The following UBASH3B variants were observed in gnomAD, a reference collection of about 807,000 sequenced individuals.
The protein encoded by UBASH3B is ubiquitin-associated and SH3 domain-containing protein B.
In UBASH3B, 37 loss-of-function variants were observed where a neutral mutation model predicts 83.4. The ratio of observed to expected loss-of-function variants is 0.44; its 90% confidence interval spans 0.34 to 0.58. The LOEUF is 0.58. Ranked by LOEUF, UBASH3B falls within the 20% of genes least tolerant of loss-of-function variation. UBASH3B has a pLI of 0.01. For missense variants in UBASH3B, 657 were observed against 827.2 expected, an observed-to-expected ratio of 0.79 and a Z score of 2.52; for synonymous variants, 304 against 318.3, an observed-to-expected ratio of 0.96 and a Z score of 0.48.
At chr11:122,719,493 T>C (rs1220385844) in intron 1 of UBASH3B, among the ~76,000 whole-genome samples, 1 of 152,178 alleles carries the variant, frequency 6.6e-6, no homozygotes, top group African/African-American at 2.4e-5. Context: ...AAAATAAGTC[T>C]CTGAGAGGGA....
At chr11:122,807,178 C>T (rs77484344) in intron 12 of UBASH3B, among the ~76,000 whole-genome samples, 1,981 of 152,278 alleles carry the variant, frequency 0.013, 36 homozygotes, top group African/African-American at 0.045. Context: ...AGGTACACAA[C>T]ATGTTCTATC....
intron 1 of UBASH3B, among the ~76,000 whole-genome samples, chr11:122,720,778 C>A (rs1331138445): frequency 2.0e-5 from 3 of 152,140 alleles, no homozygotes; most frequent in Non-Finnish European, 2.9e-5. Flanking sequence ...TCTTTCCATG[C>A]AAAATAGGAA....
chr11:122,803,872 C>T (rs562094688), intron 11 of UBASH3B, among the ~76,000 whole-genome samples: 1 of 152,184 alleles, frequency 6.6e-6, no homozygotes, highest in South Asian at 2.1e-4. Flanking sequence ...GGCCACCTGA[C>T]TCTGAGGACA....
At chr11:122,681,434 C>G (rs916251280) in intron 1 of UBASH3B, among the ~76,000 whole-genome samples, 2 of 152,092 alleles carry the variant, frequency 1.3e-5, no homozygotes, top group Admixed American at 1.3e-4. Context: ...GTTTTGGACA[C>G]AGAAAGGCAA....
At chr11:122,761,769 C>G (rs1043708324) in intron 1 of UBASH3B, among the ~76,000 whole-genome samples, 2 of 128,948 alleles carry the variant, frequency 1.6e-5, no homozygotes, top group Non-Finnish European at 3.2e-5. Context: ...TCATCTGTTT[C>G]TCCCAGATCC....
chr11:122,794,224 G>C (rs1377492545), intron 6 of UBASH3B, among the ~76,000 whole-genome samples: 1 of 151,912 alleles, frequency 6.6e-6, no homozygotes, highest in Non-Finnish European at 1.5e-5. Context: ...ATTTCTTTTT[G>C]AGACGGGGTT....
chr11:122,794,913 G>T, intron 7 of UBASH3B, 79 bp downstream of exon 7: 1 of 1,562,934 alleles, frequency 6.4e-7, no homozygotes. Flanking sequence ...ATGAGGCCTT[G>T]CCCTTGCTGT....
At chr11:122,699,203 A>G (rs1234743617) in intron 1 of UBASH3B, among the ~76,000 whole-genome samples, 1 of 152,176 alleles carries the variant, frequency 6.6e-6, no homozygotes, top group Non-Finnish European at 1.5e-5. Flanking sequence ...ATGGGAGGGA[A>G]CTGGTATCTA....
Position 122,690,194 on chromosome 11 carries a change from A to C in UBASH3B, c.161+33984A>C, listed in dbSNP as rs1386245019. 1.1e-3 allele frequency among the ~76,000 whole-genome samples: 24 copies of C among 21,304 alleles called. No homozygotes were observed. In the East Asian group the frequency reaches 0.09, roughly 80 times the overall value. The allele number at this position is 21,304 out of a possible 152,430, so 14.0% of individuals were successfully genotyped here. A position where few individuals can be genotyped will look rare whatever the true frequency, so the allele number is the denominator to read the frequency against. Reference sequence around the variant, plus strand: ...TATATATATATATATATATATATATATATATATATATATATCCAATTATAT... The same window carrying C: ...TATATATATATATATATATATATATCTATATATATATATATCCAATTATAT... On this transcript the variant is annotated intron_variant, in intron 1 of 13. Coordinates refer to ENST00000284273, the MANE Select transcript of UBASH3B (RefSeq NM_032873.5).
Position 122,683,722 on chromosome 11 carries a change from T to G in UBASH3B, c.161+27512T>G, listed in dbSNP as rs554002862. ...TAGTCAGTGATCACATATCCTCAAT[T>G]GCCTTATAATTAAAAAAAAATTGTG... On this transcript the variant is annotated intron_variant, in intron 1 of 13. Transcript: ENST00000284273. Among the ~76,000 whole-genome samples the G allele has an allele frequency of 2.0e-5, 3 of 148,314 alleles. No individual in the cohort carries two copies. The South Asian group carries it at 6.5e-4, about 32-fold the overall frequency.
intron 1 of UBASH3B, among the ~76,000 whole-genome samples, chr11:122,669,792 A>G (rs1863568283): frequency 6.6e-6 from 1 of 152,214 alleles, no homozygotes; most frequent in South Asian, 2.1e-4. Context: ...CCCATTTTAC[A>G]GATAAGAAAA....
chr11:122,789,115 T>C lies in UBASH3B; in HGVS notation c.787T>C (p.Tyr263His). Residue 263 changes from tyrosine to histidine, a missense_variant, in exon 6 of 14, where the codon TAC (tyrosine) becomes CAC (histidine). Tyr to His is a moderately conservative substitution (Grantham distance 83). Around this residue, in one of 3 missense-constraint regions of UBASH3B, gnomAD observed 573 missense variants for 739.0 expected, o/e 0.78. Coordinates refer to ENST00000284273, the MANE Select transcript of UBASH3B (RefSeq NM_032873.5). ...FANHETLQVI[Y>H]PYTPQNDDEL... ...CCTTTTCCAGACATTACAGGTCATC[T>C]ACCCCTATACCCCACAAAATGACGA... is the stretch of plus-strand genomic sequence containing the variant. The C allele has an allele frequency of 4.3e-6, 7 of 1,612,976 alleles. No individual in the cohort carries two copies. Among genetic ancestry groups the C allele is most frequent in the Non-Finnish European group, 5.1e-6 (6 of 1,179,732 alleles).
chr11:122,783,490 AGAAAT>A (rs1366534076), intron 5 of UBASH3B, among the ~76,000 whole-genome samples: 6 of 152,212 alleles, frequency 3.9e-5, no homozygotes, highest in Non-Finnish European at 5.9e-5. Context: ...CCAGCAAAAA[AGAAAT>A]GAAATGGGAG....
chr11:122,783,349 T>C (rs982583084), intron 5 of UBASH3B, 127 bp downstream of exon 5: 2 of 1,087,896 alleles, frequency 1.8e-6, no homozygotes, highest in Non-Finnish European at 2.6e-6. Flanking sequence ...AGAGAGTCCG[T>C]TGGCTCAGGA....
At chr11:122,664,214 G>A (rs1302839800) in intron 1 of UBASH3B, among the ~76,000 whole-genome samples, 1 of 152,134 alleles carries the variant, frequency 6.6e-6, no homozygotes, top group African/African-American at 2.4e-5. Flanking sequence ...CAGACCCAGG[G>A]CAGAGAGAGC....
In UBASH3B at chr11:122,811,605, G is replaced by A. The variant is rs1333956180; in HGVS notation, c.*1719G>A. ...CTCCCAAAGTGCTAGGATTACAGGTGTGAGCCACCACACCTGGCCCATAGT... is the reference window on the plus strand; with the variant it reads ...CTCCCAAAGTGCTAGGATTACAGGTATGAGCCACCACACCTGGCCCATAGT... On this transcript the variant is annotated 3_prime_UTR_variant, in exon 14 of 14. Coordinates refer to ENST00000284273, the MANE Select transcript of UBASH3B (RefSeq NM_032873.5). 6.6e-6 allele frequency: 1 copy of A among 152,112 alleles called. No homozygotes were observed. The highest frequency in any genetic ancestry group is 1.5e-5 in the Non-Finnish European group (1 of 68,034). The allele number at this position is 152,112 out of a possible 1,614,324, so 9.4% of individuals were successfully genotyped here. A position where few individuals can be genotyped will look rare whatever the true frequency, so the allele number is the denominator to read the frequency against.
chr11:122,738,215 G>A (rs577814834), intron 1 of UBASH3B, among the ~76,000 whole-genome samples: 1 of 152,254 alleles, frequency 6.6e-6, no homozygotes, highest in Admixed American at 6.5e-5. Context: ...TCCATAAGTT[G>A]GAACGATTGC....
rs749785194 is a variant in UBASH3B, at chr11:122,810,540, C to G, written c.*654C>G. 1 of 143,014 alleles carries G rather than the reference C, an allele frequency of 7.0e-6. No homozygotes were observed. The highest frequency in any genetic ancestry group is 1.5e-5 in the Non-Finnish European group (1 of 67,868). The allele number at this position is 143,014 out of a possible 1,614,324, so 8.9% of individuals were successfully genotyped here. A position where few individuals can be genotyped will look rare whatever the true frequency, so the allele number is the denominator to read the frequency against. On this transcript the variant is annotated 3_prime_UTR_variant, in exon 14 of 14. Coordinates refer to ENST00000284273, the MANE Select transcript of UBASH3B (RefSeq NM_032873.5). ...CTGGCCCTTCTTGCTACAGCCCTAT[C>G]CCCCCTCCTTGCTTCTGTGAAATGG... is the stretch of plus-strand genomic sequence containing the variant.
chr11:122,753,409 C>T (rs1364024592), intron 1 of UBASH3B, among the ~76,000 whole-genome samples: 1 of 151,248 alleles, frequency 6.6e-6, no homozygotes, highest in Non-Finnish European at 1.5e-5. Context: ...CGAGATTGTG[C>T]CACTGCACTC....
Sources: gnomAD v4.1 joint callset for allele counts (sites outside exome capture counted in the v4.1 genomes callset) on GRCh38, gnomAD v4.1.1 for gene constraint, gnomAD v4.1.1 regional missense constraint, MANE v1.5 for transcripts, NCBI Gene and HGNC (gene_info 2026-07-23, HGNC 2026-07-21) for gene names.